The following PPP1R36 variants were observed in gnomAD, a reference collection of about 807,000 sequenced individuals.
PPP1R36 encodes chromosome 14 open reading frame 50.
PPP1R36 carries 47 observed loss-of-function variants against 53.4 expected under a neutral mutation model. That is an observed-to-expected ratio of 0.88 (90% confidence interval 0.70 to 1.12). PPP1R36 has a LOEUF of 1.12. Ranked by LOEUF, PPP1R36 falls within the 50% of genes most tolerant of loss-of-function variation. PPP1R36 has a pLI of 0.00. For synonymous variants in PPP1R36, 153 were observed against 170.5 expected (o/e 0.90, Z 0.80); for missense variants, 456 against 513.9 (o/e 0.89, Z 1.09).
intron 3 of PPP1R36, among the ~76,000 whole-genome samples, chr14:64,564,419 A>G (rs7159809): frequency 0.76 from 115,781 of 152,198 alleles, 44,708 homozygotes; most frequent in East Asian, 0.87. Context: ...TGTGCCTAAA[A>G]GCACTTGTCA....
At position 64,589,284 on chromosome 14, in the gene PPP1R36, T is replaced by C; in HGVS notation, c.1215T>C (p.Asp405=). 6.2e-7 allele frequency: 1 copy of C among 1,614,062 alleles called. No homozygotes were observed. The highest frequency in any genetic ancestry group is 8.5e-7 in the Non-Finnish European group (1 of 1,179,926). The stretch of plus-strand genomic sequence containing the variant: ...AAAACAATAACATGAGGATTCAGGA[T>C]ACACTGGACTTGGTCATGAAAACAC... ...LMENNNMRIQ[D]TLDLVMKTLS... Residue 405 remains aspartate (D), a synonymous_variant, in exon 12 of 12, where the codon GAT becomes GAC. Coordinates refer to ENST00000298705, the MANE Select transcript of PPP1R36 (RefSeq NM_172365.3).
chr14:64,550,209 G>A, intron 1 of PPP1R36, 143 bp downstream of exon 1: 1 of 1,407,846 alleles, frequency 7.1e-7, no homozygotes, highest in Non-Finnish European at 9.2e-7. Context: ...AAGACACCTG[G>A]CCATATTTGC....
chr14:64,560,268 CT>C (rs2080196089), intron 3 of PPP1R36, among the ~76,000 whole-genome samples: 1 of 151,758 alleles, frequency 6.6e-6, no homozygotes, highest in Non-Finnish European at 1.5e-5. Flanking sequence ...TGGCAAAACC[CT>C]ATCTCTACCA....
chr14:64,565,408 A>G lies in PPP1R36; in HGVS notation c.321A>G (p.Val107=). ...AAKDDKSAKA[V]EKRGQQGTIT... ...AAGATGATAAGTCAGCTAAAGCTGT[A>G]GAGAAACGAGGTCAACAGGGCACCA... Residue 107 remains valine (V), a synonymous_variant, in exon 5 of 12, where the codon GTA becomes GTG. Transcript: ENST00000298705. 1.2e-6 allele frequency: 2 copies of G among 1,613,712 alleles called. No homozygotes were observed. Among genetic ancestry groups the G allele is most frequent in the South Asian group, 1.1e-5 (1 of 91,032 alleles).
At chr14:64,570,107 GA>G (rs1481845071) in intron 7 of PPP1R36, among the ~76,000 whole-genome samples, 1 of 152,116 alleles carries the variant, frequency 6.6e-6, no homozygotes, top group Non-Finnish European at 1.5e-5. Context: ...AAACATACTA[GA>G]ACACAGTGGT....
In PPP1R36 at chr14:64,588,143, C is replaced by A. The variant is rs1566660946; in HGVS notation, c.930C>A (p.Ile310=). The part of the protein sequence containing the change: ...MAKRPAIKKA[I]NMRSPVMSTL... ...AACGCCCAGCAATTAAAAAAGCTATCAACATGCGTTCTCCAGTCATGTCTA... is the reference window on the plus strand; with the variant it reads ...AACGCCCAGCAATTAAAAAAGCTATAAACATGCGTTCTCCAGTCATGTCTA... The change falls in exon 11 of 12, where the codon ATC becomes ATA. Residue 310 remains isoleucine (I), a synonymous_variant. Coordinates refer to ENST00000298705, the MANE Select transcript of PPP1R36 (RefSeq NM_172365.3). The A allele has an allele frequency of 6.2e-7, 1 of 1,610,486 alleles. No homozygotes were observed. Among genetic ancestry groups the A allele is most frequent in the Non-Finnish European group, 8.5e-7 (1 of 1,178,026 alleles).
intron 7 of PPP1R36, among the ~76,000 whole-genome samples, chr14:64,573,971 G>A (rs1007056973): frequency 6.9e-6 from 1 of 144,102 alleles, no homozygotes; most frequent in Non-Finnish European, 1.5e-5. Context: ...AGCTTGAGAT[G>A]CTGATTCCAA....
chr14:64,559,690 C>T, intron 3 of PPP1R36, among the ~76,000 whole-genome samples: 1 of 152,272 alleles, frequency 6.6e-6, no homozygotes, highest in African/African-American at 2.4e-5. Context: ...TGGTCCCAGA[C>T]AAAGTAGATT....
chr14:64,555,575 A>G (rs2140217266), intron 3 of PPP1R36, among the ~76,000 whole-genome samples: 1 of 152,336 alleles, frequency 6.6e-6, no homozygotes, highest in African/African-American at 2.4e-5. Context: ...GATTAAAAAC[A>G]TCAGTGAGTA....
chr14:64,577,788 C>T (rs1025296400), intron 8 of PPP1R36, among the ~76,000 whole-genome samples: 6 of 127,630 alleles, frequency 4.7e-5, no homozygotes, highest in Non-Finnish European at 6.2e-5. Context: ...TGCAGTGGTG[C>T]GATCTTGGCT....
At chr14:64,570,314 T>C (rs1396041634) in intron 7 of PPP1R36, among the ~76,000 whole-genome samples, 3 of 152,038 alleles carry the variant, frequency 2.0e-5, no homozygotes, top group Non-Finnish European at 4.4e-5. Flanking sequence ...AAACCCCATC[T>C]CTACTAAAAA....
At chr14:64,565,834 CAAAG>C (rs1410149839) in intron 6 of PPP1R36, 142 bp downstream of exon 6, 1 of 661,518 alleles carries the variant, frequency 1.5e-6, no homozygotes. Flanking sequence ...GACCTAGTCA[CAAAG>C]ACTGCGACCA....
intron 3 of PPP1R36, among the ~76,000 whole-genome samples, chr14:64,556,729 C>T (rs1463040013): frequency 2.2e-5 from 3 of 139,122 alleles, no homozygotes; most frequent in Admixed American, 1.5e-4. Flanking sequence ...GTGCTCTAGC[C>T]TGGGTGGTAG....
chr14:64,561,752 C>T (rs1044566380), intron 3 of PPP1R36: 2 of 455,832 alleles, frequency 4.4e-6, no homozygotes, highest in African/African-American at 2.0e-5. Flanking sequence ...TTCTCTCTGA[C>T]ATAGTACCTG....
At position 64,563,096 on chromosome 14, in the gene PPP1R36, C is replaced by A. The variant is rs192098083; in HGVS notation, c.183-1655C>A. Among the ~76,000 whole-genome samples the A allele has an allele frequency of 7.2e-3, 1,100 of 152,248 alleles. 6 individuals are homozygous for A. The highest frequency in any genetic ancestry group is 0.01 in the Middle Eastern group (3 of 294). ...GGTCAGGCTGGTCTCAAACTCCCGA[C>A]CTCAGGTGATCTGCCTACCTCGGCC... On this transcript the variant is annotated intron_variant, in intron 3 of 11. Transcript: ENST00000298705.
At chr14:64,557,258 C>T (rs1240595948) in intron 3 of PPP1R36, among the ~76,000 whole-genome samples, 2 of 152,196 alleles carry the variant, frequency 1.3e-5, no homozygotes, top group African/African-American at 4.8e-5. Context: ...ATCTATACCT[C>T]TGTCTACCCT....
chr14:64,555,399 G>A (rs2080140661), intron 3 of PPP1R36, among the ~76,000 whole-genome samples: 1 of 151,846 alleles, frequency 6.6e-6, no homozygotes, highest in African/African-American at 2.4e-5. Flanking sequence ...TGATTGAGAT[G>A]ATTCTGATGT....
chr14:64,558,149 A>C (rs2080172535), intron 3 of PPP1R36, among the ~76,000 whole-genome samples: 1 of 152,196 alleles, frequency 6.6e-6, no homozygotes, highest in South Asian at 2.1e-4. Flanking sequence ...CAAACACTGC[A>C]AAAAGGCCTG....
chr14:64,579,147 A>C (rs1440104964), intron 8 of PPP1R36, among the ~76,000 whole-genome samples: 2 of 152,222 alleles, frequency 1.3e-5, no homozygotes, highest in Non-Finnish European at 2.9e-5. Flanking sequence ...AGGAGCAGAA[A>C]AGATAAGTAT....
Sources: gnomAD v4.1 joint callset for allele counts (sites outside exome capture counted in the v4.1 genomes callset) on GRCh38, gnomAD v4.1.1 for gene constraint, MANE v1.5 for transcripts, NCBI Gene and HGNC (gene_info 2026-07-23, HGNC 2026-07-21) for gene names.